SRGAP3: variants seen among roughly 807,000 people sequenced by gnomAD.
SRGAP3 encodes the protein SLIT-ROBO Rho GTPase activating protein 3.
In SRGAP3, 39 loss-of-function variants were observed where a neutral mutation model predicts 121.1. That is an observed-to-expected ratio of 0.32 (90% CI 0.25 to 0.42). The LOEUF is 0.42. Ranked by LOEUF, SRGAP3 falls within the 10% of genes least tolerant of loss-of-function variation. The pLI is 1.00. For missense variants in SRGAP3, 1,213 were observed against 1,470.6 expected (o/e 0.82, Z 2.86); for synonymous variants, 601 against 570.0 (o/e 1.05, Z -0.77).
intron 1 of SRGAP3, among the ~76,000 whole-genome samples, chr3:9,223,386 G>T (rs1241258420): frequency 6.6e-6 from 1 of 152,188 alleles, no homozygotes; most frequent in Non-Finnish European, 1.5e-5. Context: ...AGGAAATAAT[G>T]AATTAAATAG....
At chr3:8,987,869 G>C (rs1359901738) in intron 21 of SRGAP3, among the ~76,000 whole-genome samples, 5 of 152,100 alleles carry the variant, frequency 3.3e-5, no homozygotes, top group Non-Finnish European at 7.4e-5. Flanking sequence ...GGCTTTCCTG[G>C]AGCCGAGCCG....
chr3:9,308,267 A>G (rs951043770), intron 3 of SRGAP3, among the ~76,000 whole-genome samples: 4 of 152,230 alleles, frequency 2.6e-5, no homozygotes, highest in African/African-American at 7.2e-5. Flanking sequence ...CTGGGTGGTG[A>G]ACTTTCAAGA....
chr3:9,352,318 G>A (rs1221503360), intron 1 of SRGAP3, among the ~76,000 whole-genome samples: 1 of 145,504 alleles, frequency 6.9e-6, no homozygotes, highest in Non-Finnish European at 1.5e-5. Flanking sequence ...CTGTCACCCA[G>A]GCTGAAGCAC....
At chr3:9,039,684 G>A (rs1251893748) in intron 10 of SRGAP3, among the ~76,000 whole-genome samples, 1 of 151,860 alleles carries the variant, frequency 6.6e-6, no homozygotes, top group Non-Finnish European at 1.5e-5. Context: ...TCTACTCTCT[G>A]TCTCTACAGA....
intron 3 of SRGAP3, among the ~76,000 whole-genome samples, chr3:9,311,592 A>T (rs1476936287): frequency 6.6e-6 from 1 of 152,226 alleles, no homozygotes; most frequent in East Asian, 1.9e-4. Flanking sequence ...GTATTTATGG[A>T]CACTAAAATC....
chr3:9,176,692 G>A (rs1350516596), intron 1 of SRGAP3, among the ~76,000 whole-genome samples: 6 of 152,198 alleles, frequency 3.9e-5, no homozygotes, highest in African/African-American at 1.4e-4. Context: ...AGTAGGAGCA[G>A]GTGCATCACA....
At chr3:9,341,201 G>T (rs1955782869) in intron 1 of SRGAP3, among the ~76,000 whole-genome samples, 1 of 152,136 alleles carries the variant, frequency 6.6e-6, no homozygotes, top group South Asian at 2.1e-4. Flanking sequence ...TAGGGCTTCG[G>T]CATATTAATT....
intron 1 of SRGAP3, among the ~76,000 whole-genome samples, chr3:9,227,916 A>G (rs551583438): frequency 1.1e-4 from 16 of 152,272 alleles, no homozygotes; most frequent in Admixed American, 2.0e-4. Flanking sequence ...TACTGGAAGT[A>G]ATGACAGGGA....
chr3:8,998,172 A>AGCC (rs1156679619), intron 18 of SRGAP3, among the ~76,000 whole-genome samples: 2 of 152,200 alleles, frequency 1.3e-5, no homozygotes, highest in Non-Finnish European at 2.9e-5. Context: ...TACAGGCGTG[A>AGCC]GCCACCACCC....
At chr3:9,341,791 A>T (rs1955792176) in intron 1 of SRGAP3, among the ~76,000 whole-genome samples, 1 of 152,072 alleles carries the variant, frequency 6.6e-6, no homozygotes, top group African/African-American at 2.4e-5. Context: ...GAGCCACCGC[A>T]CCGGGCCTGG....
chr3:9,290,922 C>T (rs565869321), intron 3 of SRGAP3, among the ~76,000 whole-genome samples: 8 of 152,144 alleles, frequency 5.3e-5, no homozygotes, highest in Non-Finnish European at 1.2e-4. Flanking sequence ...TTTCACAAAA[C>T]TTTTGTTGTG....
In SRGAP3 at chr3:8,985,205, G is replaced by T. The variant is rs746476396; in HGVS notation, c.*314C>A. Reference sequence around the variant, plus strand: ...GTATGTAGAGAGAATGTCGAGAGAGGAAGTTTCCAGTGACGATATGCGGGA... The same window carrying T: ...GTATGTAGAGAGAATGTCGAGAGAGTAAGTTTCCAGTGACGATATGCGGGA... On this transcript the variant is annotated 3_prime_UTR_variant, in exon 22 of 22. Coordinates refer to ENST00000383836, the MANE Select transcript of SRGAP3 (RefSeq NM_014850.4). This position sits in a 1 kb window ranked among gnomAD's most constrained non-coding sequence, Gnocchi z 5.1. 17 of 470,396 alleles carry T rather than the reference G, an allele frequency of 3.6e-5. No individual in the cohort carries two copies. The highest frequency in any genetic ancestry group is 1.1e-4 in the Admixed American group (3 of 26,572). 29.1% of individuals were successfully genotyped at this position (470,396 alleles called of 1,614,324 possible). A position where few individuals can be genotyped will look rare whatever the true frequency, so the allele number is the denominator to read the frequency against.
At chr3:9,031,347 C>G (rs1205345740) in intron 12 of SRGAP3, among the ~76,000 whole-genome samples, 1 of 152,136 alleles carries the variant, frequency 6.6e-6, no homozygotes, top group Non-Finnish European at 1.5e-5. Flanking sequence ...TTTGGTACAG[C>G]CCTGCCCTCC....
At chr3:9,235,575 C>T (rs1259440511) in intron 1 of SRGAP3, 1 of 147,540 alleles carries the variant, frequency 6.8e-6, no homozygotes, top group African/African-American at 2.5e-5. Context: ...ATGATCTCGG[C>T]TCACTGCAAG....
At chr3:9,275,364 A>T (rs1004274186) in intron 3 of SRGAP3, among the ~76,000 whole-genome samples, 6 of 152,122 alleles carry the variant, frequency 3.9e-5, no homozygotes, top group Non-Finnish European at 8.8e-5. Flanking sequence ...ACTCAGCCAA[A>T]TAAGAGCCTG....
intron 18 of SRGAP3, among the ~76,000 whole-genome samples, chr3:8,998,612 C>A (rs1350497882): frequency 1.3e-5 from 2 of 151,826 alleles, no homozygotes; most frequent in African/African-American, 4.8e-5. Flanking sequence ...TATATACACA[C>A]ATATAATTTT....
intron 1 of SRGAP3, among the ~76,000 whole-genome samples, chr3:9,245,399 G>A (rs566974780): frequency 6.6e-6 from 1 of 152,156 alleles, no homozygotes; most frequent in South Asian, 2.1e-4. Flanking sequence ...ATGACACTGA[G>A]GTTTGCAACC....
chr3:9,255,347 C>T (rs1954109071), intron 3 of SRGAP3, among the ~76,000 whole-genome samples: 1 of 152,212 alleles, frequency 6.6e-6, no homozygotes, highest in South Asian at 2.1e-4. Context: ...AACACGGGCT[C>T]TAACAATGCC....
At chr3:9,011,122 C>T (rs187201836) in intron 17 of SRGAP3, among the ~76,000 whole-genome samples, 6 of 151,932 alleles carry the variant, frequency 3.9e-5, no homozygotes, top group East Asian at 3.9e-4. Flanking sequence ...ATAGATAAGG[C>T]GGACAAGGTT....
Sources: gnomAD v4.1 joint callset for allele counts (sites outside exome capture counted in the v4.1 genomes callset) on GRCh38, gnomAD v4.1.1 for gene constraint, Gnocchi (gnomAD v3.1) non-coding constraint, MANE v1.5 for transcripts, NCBI Gene and HGNC (gene_info 2026-07-23, HGNC 2026-07-21) for gene names.